CACNA1H: variants seen among roughly 807,000 people sequenced by gnomAD.
CACNA1H encodes voltage-dependent T-type calcium channel subunit alpha-1H.
In CACNA1H, 149 loss-of-function variants were observed where a neutral mutation model predicts 192.5. That is an observed-to-expected ratio of 0.77 (90% CI 0.68 to 0.89). CACNA1H has a LOEUF of 0.89. Ranked by LOEUF, CACNA1H falls within the 40% of genes least tolerant of loss-of-function variation. The pLI, the probability that CACNA1H is intolerant of heterozygous loss-of-function variation, is 0.00. For missense variants in CACNA1H, 4,257 were observed against 3,423.5 expected, an observed-to-expected ratio of 1.24 and a Z score of -6.08; for synonymous variants, 2,202 against 1,475.2, an observed-to-expected ratio of 1.49 and a Z score of -11.29.
rs8056494 is a variant in CACNA1H, at chr16:1,210,021, G to C, written c.3745-14G>C. The C allele has an allele frequency of 6.5e-7, 1 of 1,545,330 alleles. No individual in the cohort carries two copies. The highest frequency in any genetic ancestry group is 8.7e-7 in the Non-Finnish European group (1 of 1,145,094). On this transcript the variant is annotated splice_polypyrimidine_tract_variant and intron_variant, in intron 17 of 34. Transcript: ENST00000348261. Reference sequence around the variant, plus strand: ...CAGGCGCAGGCTCTGAGAAGCCGCCGCCTCATCCCACAGAGCTGCTGCCTC... The same window carrying C: ...CAGGCGCAGGCTCTGAGAAGCCGCCCCCTCATCCCACAGAGCTGCTGCCTC...
intron 26 of CACNA1H, among the ~76,000 whole-genome samples, chr16:1,213,096 G>A (rs1215938888): frequency 2.6e-5 from 4 of 152,224 alleles, no homozygotes; most frequent in Non-Finnish European, 2.9e-5. Flanking sequence ...ACACCTGCCT[G>A]GGGGACACAC....
chr16:1,216,588 A>G (rs775738105), intron 30 of CACNA1H, among the ~76,000 whole-genome samples: 1 of 152,234 alleles, frequency 6.6e-6, no homozygotes, highest in Non-Finnish European at 1.5e-5. Context: ...CAGGAAGAGC[A>G]TGCTAGGCCT....
chr16:1,190,111 C>G lies in CACNA1H; in HGVS notation c.300-4861C>G, dbSNP rs573128561. Among the ~76,000 whole-genome samples the G allele has an allele frequency of 2.6e-5, 4 of 152,298 alleles. 1 individual carries two copies. In the South Asian group the frequency reaches 6.2e-4, roughly 24 times the overall value. On this transcript the variant is annotated intron_variant, in intron 2 of 34. Transcript: ENST00000348261. The stretch of plus-strand genomic sequence containing the variant: ...GAGGCTCCCTGCCTGAGGGAGACCC[C>G]GTAGCCAAGACCACCTCACTGCGCC...
intron 6 of CACNA1H, among the ~76,000 whole-genome samples, chr16:1,199,143 C>T (rs1275531875): frequency 1.5e-5 from 1 of 65,912 alleles, no homozygotes; most frequent in East Asian, 3.1e-4. Flanking sequence ...CATGGCTCCG[C>T]CCACCGTGCG....
chr16:1,216,189 C>T (rs1247482988), intron 30 of CACNA1H, among the ~76,000 whole-genome samples: 1 of 152,226 alleles, frequency 6.6e-6, no homozygotes, highest in Non-Finnish European at 1.5e-5. Context: ...CCTGTTCCCA[C>T]CCATTTCCTG....
chr16:1,172,360 C>T (rs143477250), intron 2 of CACNA1H, among the ~76,000 whole-genome samples: 7 of 152,306 alleles, frequency 4.6e-5, no homozygotes, highest in African/African-American at 1.2e-4. Flanking sequence ...CAGGCTCTAC[C>T]TGGGCCCCTC....
At chr16:1,156,958 A>G (rs1962498335) in intron 2 of CACNA1H, 1 of 152,192 alleles carries the variant, frequency 6.6e-6, no homozygotes, top group African/African-American at 2.4e-5. Flanking sequence ...TTAAAAATAT[A>G]ATTGTCTTAG....
At position 1,206,305 on chromosome 16, in the gene CACNA1H, C is replaced by A. The variant is rs59952053; in HGVS notation, c.2789+16C>A. 3 of 1,547,212 alleles carry A rather than the reference C, an allele frequency of 1.9e-6. No homozygotes were observed. The highest frequency in any genetic ancestry group is 2.0e-5 in the Admixed American group (1 of 51,194). ...TCATCTTCAGGTGGGCGCAACCCCC[C>A]TCCCGGCCCGCCCAGTGTCTCACCC... On this transcript the variant is annotated intron_variant, in intron 12 of 34. Coordinates refer to ENST00000348261, the MANE Select transcript of CACNA1H (RefSeq NM_021098.3).
At chr16:1,216,226 C>T (rs1970016126) in intron 30 of CACNA1H, among the ~76,000 whole-genome samples, 3 of 152,236 alleles carry the variant, frequency 2.0e-5, no homozygotes, top group Admixed American at 2.0e-4. Flanking sequence ...CACTTGCCCC[C>T]TGCCTGTCTT....
At position 1,221,591 on chromosome 16, in the gene CACNA1H, G is replaced by T; in HGVS notation, c.*597G>T. 1 of 611,878 alleles carries T rather than the reference G, an allele frequency of 1.6e-6. No individual in the cohort carries two copies. 37.9% of individuals were successfully genotyped at this position (611,878 alleles called of 1,614,324 possible). A position where few individuals can be genotyped will look rare whatever the true frequency, so the allele number is the denominator to read the frequency against. ...CCCATGGAGTAACGCGCCCGGCCCC[G>T]ATGCGAATCAGGCCTCCCCTACATC... On this transcript the variant is annotated 3_prime_UTR_variant, in exon 35 of 35. Transcript: ENST00000348261.
At chr16:1,202,535 C>T (rs529073147) in intron 9 of CACNA1H, 83 bp downstream of exon 9, 2 of 1,199,202 alleles carry the variant, frequency 1.7e-6, no homozygotes, top group South Asian at 1.6e-5. Flanking sequence ...ATTCCCACAC[C>T]CATTGTGGGC....
chr16:1,217,912 C>T lies in CACNA1H; in HGVS notation c.5324-7C>T, dbSNP rs754330211. The T allele has an allele frequency of 8.1e-6, 13 of 1,597,428 alleles. No homozygotes were observed. The highest frequency in any genetic ancestry group is 1.1e-5 in the Non-Finnish European group (13 of 1,172,730). The stretch of plus-strand genomic sequence containing the variant: ...CGGCTGACCGGGCGGGGTCTCCCTC[C>T]CCGCAGAGTGCAGTGAAGACAACCC... On this transcript the variant is annotated splice_region_variant and splice_polypyrimidine_tract_variant and intron_variant, in intron 31 of 34. Coordinates refer to ENST00000348261, the MANE Select transcript of CACNA1H (RefSeq NM_021098.3).
At chr16:1,171,826 G>A (rs375512038) in intron 2 of CACNA1H, among the ~76,000 whole-genome samples, 55 of 152,336 alleles carry the variant, frequency 3.6e-4, no homozygotes, top group African/African-American at 1.3e-3. Context: ...GTCTCCGAGC[G>A]CCAGCTGGGT....
chr16:1,163,010 C>T (rs938118915), intron 2 of CACNA1H, among the ~76,000 whole-genome samples: 2 of 152,236 alleles, frequency 1.3e-5, no homozygotes, highest in Non-Finnish European at 2.9e-5. Context: ...GCACAGTGGC[C>T]GGTGCTCTGC....
At chr16:1,214,014 C>A in intron 27 of CACNA1H, 83 bp downstream of exon 27, 2 of 1,209,358 alleles carry the variant, frequency 1.7e-6, no homozygotes, top group Non-Finnish European at 2.4e-6. Flanking sequence ...AACCCTGGAC[C>A]GGCGCTCCGC....
In CACNA1H at chr16:1,205,064, G is replaced by A. The variant is rs763352989; in HGVS notation, c.2452-50G>A. The A allele has an allele frequency of 1.9e-6, 3 of 1,544,004 alleles. No individual in the cohort carries two copies. The African/African-American group carries it at 4.1e-5, about 21-fold the overall frequency. On this transcript the variant is annotated intron_variant, in intron 10 of 34. Coordinates refer to ENST00000348261, the MANE Select transcript of CACNA1H (RefSeq NM_021098.3). ...GGCCCCAGATCAGTGCCGGTGAGGG[G>A]TGGGAGCCGCGGGTGCGGCCTCCTG...
intron 9 of CACNA1H, 96 bp from the exon 10 acceptor site, chr16:1,203,914 A>G: frequency 1.2e-6 from 1 of 848,838 alleles, no homozygotes; most frequent in Non-Finnish European, 1.8e-6. Flanking sequence ...TCTGGGGGGG[A>G]CACATTCACC....
rs1201180229 is a variant in CACNA1H, at chr16:1,167,321, C to G, written c.299+13285C>G. Among the ~76,000 whole-genome samples, 4 of 144,800 alleles carry G rather than the reference C, an allele frequency of 2.8e-5. No homozygotes were observed. The highest frequency in any genetic ancestry group is 4.4e-5 in the Non-Finnish European group (3 of 68,004). The allele number at this position is 144,800 out of a possible 152,430, so 95.0% of individuals were successfully genotyped here. On this transcript the variant is annotated intron_variant, in intron 2 of 34. Coordinates refer to ENST00000348261, the MANE Select transcript of CACNA1H (RefSeq NM_021098.3). This position sits in a 1 kb window ranked among gnomAD's most constrained non-coding sequence, Gnocchi z 4.2. ...TGTCAGGAACCTTGGATTCCTGACA[C>G]ACGGGTGCGGGGGCGATATCGGCGC...
intron 16 of CACNA1H, 50 bp from the exon 17 acceptor site, chr16:1,208,982 T>G (rs1253601478): frequency 2.9e-6 from 4 of 1,399,042 alleles, no homozygotes; most frequent in Non-Finnish European, 1.8e-6. Context: ...ATGACAGCGG[T>G]CGGTGCTAAT....
Sources: allele counts gnomAD v4.1 joint callset (sites outside exome capture counted in the v4.1 genomes callset), GRCh38; gene constraint gnomAD v4.1.1; non-coding constraint Gnocchi (gnomAD v3.1); transcripts MANE v1.5; gene names NCBI Gene and HGNC (gene_info 2026-07-23, HGNC 2026-07-21).